CNTNAP2: variants seen among roughly 807,000 people sequenced by gnomAD.
CNTNAP2 encodes contactin associated protein 2.
A neutral mutation model predicts 155.2 loss-of-function variants in CNTNAP2; 98 were observed. The ratio of observed to expected loss-of-function variants is 0.63; its 90% CI spans 0.54 to 0.75. The LOEUF (loss-of-function observed/expected upper bound fraction) is 0.75. Among genes scored for constraint, CNTNAP2 ranks in the 30% least tolerant of loss-of-function variants. The pLI, the probability that CNTNAP2 is intolerant of heterozygous loss-of-function variation, is 0.00. For missense variants in CNTNAP2, 1,727 were observed against 1,688.1 expected, an observed-to-expected ratio of 1.02 and a Z score of -0.40; for synonymous variants, 651 against 631.2, an observed-to-expected ratio of 1.03 and a Z score of -0.47.
At chr7:147,309,044 T>C (rs1795078816) in intron 9 of CNTNAP2, among the ~76,000 whole-genome samples, 1 of 152,212 alleles carries the variant, frequency 6.6e-6, no homozygotes, top group African/African-American at 2.4e-5. Context: ...AGCATATACT[T>C]CCACCTTGAA....
At chr7:147,555,492 G>A (rs183513172) in intron 11 of CNTNAP2, among the ~76,000 whole-genome samples, 1 of 152,108 alleles carries the variant, frequency 6.6e-6, no homozygotes, top group East Asian at 1.9e-4. Flanking sequence ...ATTCATAAGC[G>A]ATTGATGGAT....
chr7:146,494,288 C>T (rs959070875), intron 1 of CNTNAP2, among the ~76,000 whole-genome samples: 4 of 151,518 alleles, frequency 2.6e-5, no homozygotes, highest in South Asian at 2.1e-4. Flanking sequence ...GAGCAGAGAT[C>T]GCACCACTGC....
intron 8 of CNTNAP2, among the ~76,000 whole-genome samples, chr7:147,256,589 A>G (rs767176620): frequency 6.6e-6 from 1 of 152,182 alleles, no homozygotes; most frequent in Non-Finnish European, 1.5e-5. Context: ...AAAGAGGTAG[A>G]ACAATAGAAA....
chr7:147,527,015 C>CT (rs888976222), intron 11 of CNTNAP2, among the ~76,000 whole-genome samples: 7,220 of 65,176 alleles, frequency 0.11, 1,408 homozygotes, highest in African/African-American at 0.2. Flanking sequence ...ACAGGCATTT[C>CT]TTTTTTTTTT....
In CNTNAP2 at chr7:146,914,158, A is replaced by G. The variant is rs141317278; in HGVS notation, c.402+74254A>G. ...TGCTTTATGGCTCAGTCGTATTCAT[A>G]TATATATGAATACACACCACATTTT... On this transcript the variant is annotated intron_variant, in intron 3 of 23. Coordinates refer to ENST00000361727, the MANE Select transcript of CNTNAP2 (RefSeq NM_014141.6). Among the ~76,000 whole-genome samples, 535 of 152,114 alleles carry G rather than the reference A, an allele frequency of 3.5e-3. 2 individuals are homozygous for G. Among genetic ancestry groups the G allele is most frequent in the Non-Finnish European group, 5.4e-3 (370 of 67,988 alleles).
At chr7:147,310,740 T>A in intron 9 of CNTNAP2, among the ~76,000 whole-genome samples, 1 of 152,222 alleles carries the variant, frequency 6.6e-6, no homozygotes, top group South Asian at 2.1e-4. Flanking sequence ...TTAAAAAAAA[T>A]TCAAAGAGAC....
In CNTNAP2 at chr7:146,399,917, T is replaced by C. The variant is rs543484439; in HGVS notation, c.97+282944T>C. Among the ~76,000 whole-genome samples, 21 of 152,286 alleles carry C rather than the reference T, an allele frequency of 1.4e-4. No individual in the cohort carries two copies. In the South Asian group the frequency reaches 4.4e-3, roughly 32 times the overall value. ...TTGCTTGTTGCTTATTTTGGGATGA[T>C]CCCACAATTATTATACTAATTCTGT... is the stretch of plus-strand genomic sequence containing the variant. On this transcript the variant is annotated intron_variant, in intron 1 of 23. Coordinates refer to ENST00000361727, the MANE Select transcript of CNTNAP2 (RefSeq NM_014141.6).
At chr7:146,960,709 C>T (rs540730201) in intron 3 of CNTNAP2, among the ~76,000 whole-genome samples, 1 of 152,270 alleles carries the variant, frequency 6.6e-6, no homozygotes, top group African/African-American at 2.4e-5. Flanking sequence ...TGCAAGAAAA[C>T]TTGCTATGAT....
At chr7:146,923,890 T>C (rs1430208226) in intron 3 of CNTNAP2, among the ~76,000 whole-genome samples, 1 of 152,096 alleles carries the variant, frequency 6.6e-6, no homozygotes, top group East Asian at 1.9e-4. Context: ...CTGGGACCTA[T>C]CCCAGACTTA....
At chr7:147,033,798 G>GAAAAA (rs71525985) in intron 3 of CNTNAP2, among the ~76,000 whole-genome samples, 1 of 118,894 alleles carries the variant, frequency 8.4e-6, no homozygotes, top group East Asian at 2.5e-4. Flanking sequence ...GTGAAGAGGG[G>GAAAAA]AAAAAAAAAA....
intron 13 of CNTNAP2, among the ~76,000 whole-genome samples, chr7:147,766,168 A>G (rs1426366669): frequency 6.6e-6 from 1 of 152,184 alleles, no homozygotes; most frequent in Admixed American, 6.6e-5. Flanking sequence ...GTATGCATTT[A>G]TCAAAACTAA....
At chr7:147,684,564 C>T (rs928495069) in intron 13 of CNTNAP2, among the ~76,000 whole-genome samples, 3 of 151,764 alleles carry the variant, frequency 2.0e-5, no homozygotes, top group Non-Finnish European at 4.4e-5. Context: ...TAAAATTACG[C>T]TATTTATTAC....
At chr7:148,232,296 C>T (rs748513214) in intron 20 of CNTNAP2, among the ~76,000 whole-genome samples, 7 of 152,180 alleles carry the variant, frequency 4.6e-5, no homozygotes, top group African/African-American at 1.7e-4. Flanking sequence ...GCCTTGCAGA[C>T]GTGGAAGTAA....
chr7:147,688,054 T>G (rs1007981418), intron 13 of CNTNAP2, among the ~76,000 whole-genome samples: 14 of 152,162 alleles, frequency 9.2e-5, no homozygotes, highest in African/African-American at 3.4e-4. Flanking sequence ...GATGGATGAA[T>G]GTACTCAATC....
At chr7:147,262,358 CT>C (rs929465420) in intron 8 of CNTNAP2, among the ~76,000 whole-genome samples, 10 of 152,180 alleles carry the variant, frequency 6.6e-5, no homozygotes, top group Admixed American at 3.3e-4. Context: ...GTCTTAACCC[CT>C]GGTACCCTAG....
At chr7:148,024,609 A>G (rs777263814) in intron 15 of CNTNAP2, among the ~76,000 whole-genome samples, 2 of 152,188 alleles carry the variant, frequency 1.3e-5, no homozygotes. Context: ...TCAACATGTT[A>G]TTACCATGCT....
chr7:146,642,072 G>GA (rs539762865), intron 1 of CNTNAP2, among the ~76,000 whole-genome samples: 327 of 151,774 alleles, frequency 2.2e-3, no homozygotes, highest in African/African-American at 7.5e-3. Context: ...GTTTTTTAAA[G>GA]AAAAAAGCTT....
At chr7:147,946,174 G>A (rs780728665) in intron 14 of CNTNAP2, among the ~76,000 whole-genome samples, 3 of 152,112 alleles carry the variant, frequency 2.0e-5, no homozygotes, top group Non-Finnish European at 4.4e-5. Flanking sequence ...CTTCTTCTAA[G>A]GAAGGCCACT....
chr7:146,835,485 T>A (rs1435816005), intron 2 of CNTNAP2, among the ~76,000 whole-genome samples: 1 of 152,172 alleles, frequency 6.6e-6, no homozygotes. Flanking sequence ...CTGAGTATAT[T>A]GTTGTCCCCA....
Sources: gnomAD v4.1 joint callset for allele counts (sites outside exome capture counted in the v4.1 genomes callset) on GRCh38, gnomAD v4.1.1 for gene constraint, MANE v1.5 for transcripts, NCBI Gene and HGNC (gene_info 2026-07-23, HGNC 2026-07-21) for gene names.